The following GNG7 variants were observed in gnomAD, a reference collection of about 807,000 sequenced individuals.
The protein encoded by GNG7 is guanine nucleotide-binding protein G(I)/G(S)/G(O) subunit gamma-7.
A neutral mutation model predicts 4.0 loss-of-function variants in GNG7; 1 was observed. That is an observed-to-expected ratio of 0.25 (90% CI 0.09 to 1.18). The LOEUF (loss-of-function observed/expected upper bound fraction) is 1.18, where lower values mean the gene tolerates loss of function less well. GNG7 is among the 50% of genes most tolerant of loss of function. The pLI is 0.50. For synonymous variants in GNG7, 34 were observed against 36.9 expected, an observed-to-expected ratio of 0.92 and a Z score of 0.29; for missense variants, 86 against 91.9, an observed-to-expected ratio of 0.94 and a Z score of 0.26.
rs1568261839 is a variant in GNG7 at position 2,609,734 on chromosome 19, C to G, written c.-78+36490G>C. Among the ~76,000 whole-genome samples, 1 of 152,264 alleles carries G rather than the reference C, an allele frequency of 6.6e-6. No individual in the cohort carries two copies. Among genetic ancestry groups the G allele is most frequent in the East Asian group, 1.9e-4 (1 of 5,184 alleles). ...CTTGAGGTTACAGAGCCCCAGCAAACCATCACGCTGGGTTAAAGGAACTGG... is the reference window on the plus strand; with the variant it reads ...CTTGAGGTTACAGAGCCCCAGCAAAGCATCACGCTGGGTTAAAGGAACTGG... On this transcript the variant is annotated intron_variant, in intron 2 of 4. Transcript: ENST00000382159. The surrounding 1 kb of genome is among the most constrained non-coding windows in gnomAD (Gnocchi z 4.4).
chr19:2,558,383 C>G (rs1170488790), intron 2 of GNG7, among the ~76,000 whole-genome samples: 1 of 151,524 alleles, frequency 6.6e-6, no homozygotes, highest in Non-Finnish European at 1.5e-5. Context: ...ACTACAGCCA[C>G]ATGCCACCAC....
intron 3 of GNG7, among the ~76,000 whole-genome samples, chr19:2,522,684 G>A (rs1172908744): frequency 2.1e-5 from 3 of 140,920 alleles, no homozygotes; most frequent in Admixed American, 1.5e-4. Context: ...CCCGGAAGGC[G>A]GAGCTTGCAG....
In GNG7 at chr19:2,611,426, C is replaced by G. The variant is rs1981560999; in HGVS notation, c.-78+34798G>C. On this transcript the variant is annotated intron_variant, in intron 2 of 4. Coordinates refer to ENST00000382159, the MANE Select transcript of GNG7 (RefSeq NM_052847.3). The surrounding 1 kb of genome is among the most constrained non-coding windows in gnomAD (Gnocchi z 6.0). ...GTCACCACTGAGTGAGCTCGAGGTG[C>G]CCCGTCCCAGGACCGTGGCAGGAGG... is the stretch of plus-strand genomic sequence containing the variant. The G allele has an allele frequency of 1.3e-5, 2 of 152,414 alleles. No homozygotes were observed. The highest frequency in any genetic ancestry group is 4.8e-5 in the African/African-American group (2 of 41,574). The allele number at this position is 152,414 out of a possible 1,614,324, so 9.4% of individuals were successfully genotyped here. A position where few individuals can be genotyped will look rare whatever the true frequency, so the allele number is the denominator to read the frequency against.
intron 1 of GNG7, among the ~76,000 whole-genome samples, chr19:2,682,102 T>A (rs927834233): frequency 6.6e-6 from 1 of 151,566 alleles, no homozygotes; most frequent in African/African-American, 2.4e-5. Context: ...AGAGACTGGG[T>A]TTCACTATGT....
intron 2 of GNG7, among the ~76,000 whole-genome samples, chr19:2,584,616 G>A (rs1054387320): frequency 1.1e-4 from 14 of 122,630 alleles, no homozygotes; most frequent in Admixed American, 3.5e-4. Flanking sequence ...AGAGAGGGAA[G>A]GAAGGAGGAA....
At chr19:2,533,329 A>G (rs751951888) in intron 3 of GNG7, among the ~76,000 whole-genome samples, 6 of 151,916 alleles carry the variant, frequency 3.9e-5, no homozygotes, top group Non-Finnish European at 1.5e-5. Context: ...TGCATATTAT[A>G]TAATTCCATT....
intron 3 of GNG7, among the ~76,000 whole-genome samples, chr19:2,522,220 T>C (rs1247714546): frequency 1.3e-5 from 2 of 151,978 alleles, no homozygotes; most frequent in African/African-American, 2.4e-5. Context: ...GCCCCACGTG[T>C]CAGTAGTGTC....
chr19:2,665,771 A>G (rs1026293456), intron 1 of GNG7, among the ~76,000 whole-genome samples: 3 of 152,244 alleles, frequency 2.0e-5, no homozygotes, highest in African/African-American at 7.2e-5. Flanking sequence ...ATGAGTATCT[A>G]TAAAATGTTT....
rs1283318182 is a variant in GNG7, at chr19:2,557,989, G to A, written c.-77-2801C>T. Among the ~76,000 whole-genome samples, 4 of 151,752 alleles carry A rather than the reference G, an allele frequency of 2.6e-5. No individual in the cohort carries two copies. The highest frequency in any genetic ancestry group is 7.3e-5 in the African/African-American group (3 of 41,302). ...CTCAAGTAGCTGGGACTACAGGCAC[G>A]GGCCACCAGGCCTGGGTAATTTTTT... On this transcript the variant is annotated intron_variant, in intron 2 of 4. Coordinates refer to ENST00000382159, the MANE Select transcript of GNG7 (RefSeq NM_052847.3). This position sits in a 1 kb window ranked among gnomAD's most constrained non-coding sequence, Gnocchi z 5.1.
At chr19:2,520,543 T>C in intron 4 of GNG7, 65 bp downstream of exon 4, 1 of 843,450 alleles carries the variant, frequency 1.2e-6, no homozygotes, top group Middle Eastern at 2.7e-4. Flanking sequence ...CCGAGCCTCC[T>C]GTTCATCATT....
chr19:2,512,421 A>G lies in GNG7; in HGVS notation c.*2601T>C. The G allele has an allele frequency of 5.2e-6, 5 of 956,750 alleles. No individual in the cohort carries two copies. Among genetic ancestry groups the G allele is most frequent in the Non-Finnish European group, 6.2e-6 (5 of 803,958 alleles). 59.3% of individuals were successfully genotyped at this position (956,750 alleles called of 1,614,324 possible). Reference sequence around the variant, plus strand: ...GAAAGAAACCCACAGGCTTCTGGCAATGGCCACCTCCCTGGGGTCCGGGAG... The same window carrying G: ...GAAAGAAACCCACAGGCTTCTGGCAGTGGCCACCTCCCTGGGGTCCGGGAG... On this transcript the variant is annotated 3_prime_UTR_variant, in exon 5 of 5. Transcript: ENST00000382159. This position sits in a 1 kb window ranked among gnomAD's most constrained non-coding sequence, Gnocchi z 4.7.
chr19:2,562,913 T>A (rs944088245), intron 2 of GNG7, among the ~76,000 whole-genome samples: 13 of 151,862 alleles, frequency 8.6e-5, no homozygotes, highest in African/African-American at 3.1e-4. Context: ...GTGTCCAGTG[T>A]GAGCAAGGGA....
At chr19:2,538,282 AC>A in intron 3 of GNG7, 1 of 456,474 alleles carries the variant, frequency 2.2e-6, no homozygotes, top group Non-Finnish European at 4.4e-6. Context: ...AATGAAACCG[AC>A]CAGGTCAATT....
chr19:2,647,196 G>A (rs1286487293), intron 1 of GNG7, among the ~76,000 whole-genome samples: 1 of 152,186 alleles, frequency 6.6e-6, no homozygotes, highest in Non-Finnish European at 1.5e-5. Flanking sequence ...GCCTCCCTCT[G>A]GAGCCTGGAA....
intron 1 of GNG7, among the ~76,000 whole-genome samples, chr19:2,685,390 G>A (rs754707983): frequency 8.5e-5 from 13 of 152,100 alleles, no homozygotes; most frequent in East Asian, 3.9e-4. Flanking sequence ...TTGGGAGGCC[G>A]AGGCTGAAGG....
At chr19:2,568,322 CACAT>C (rs1440550156) in intron 2 of GNG7, among the ~76,000 whole-genome samples, 4 of 150,950 alleles carry the variant, frequency 2.6e-5, no homozygotes, top group Admixed American at 6.6e-5. Flanking sequence ...CACGCACACA[CACAT>C]ATACACACAT....
chr19:2,644,382 A>AAAG (rs55936286), intron 2 of GNG7, among the ~76,000 whole-genome samples: 31 of 109,018 alleles, frequency 2.8e-4, no homozygotes, highest in African/African-American at 8.4e-4. Context: ...TATATATATA[A>AAAG]TGCTCTATCT....
intron 3 of GNG7, among the ~76,000 whole-genome samples, chr19:2,543,754 G>C (rs1382923881): frequency 6.6e-6 from 1 of 152,190 alleles, no homozygotes; most frequent in African/African-American, 2.4e-5. Context: ...CAATGAGGCG[G>C]CTGCGCTTTT....
chr19:2,651,796 G>A (rs1236802971), intron 1 of GNG7, among the ~76,000 whole-genome samples: 2 of 151,802 alleles, frequency 1.3e-5, no homozygotes, highest in South Asian at 4.2e-4. Context: ...GAATTCCTGG[G>A]CTCAGGCAAT....
Sources: allele counts gnomAD v4.1 joint callset (sites outside exome capture counted in the v4.1 genomes callset), GRCh38; gene constraint gnomAD v4.1.1; non-coding constraint Gnocchi (gnomAD v3.1); transcripts MANE v1.5; gene names NCBI Gene and HGNC (gene_info 2026-07-23, HGNC 2026-07-21).